The following CFAP77 variants were observed in gnomAD, a reference collection of about 807,000 sequenced individuals.
CFAP77 encodes cilia- and flagella-associated protein 77.
CFAP77 carries 25 observed loss-of-function variants against 31.1 expected under a neutral mutation model. The observed-to-expected ratio is 0.80, with a 90% CI of 0.59 to 1.12. The LOEUF (loss-of-function observed/expected upper bound fraction) is 1.12. Ranked by LOEUF, CFAP77 falls within the 50% of genes most tolerant of loss-of-function variation. CFAP77 has a pLI of 0.00. For missense variants in CFAP77, 377 were observed against 397.3 expected, an observed-to-expected ratio of 0.95 and a Z score of 0.44; for synonymous variants, 151 against 159.9, an observed-to-expected ratio of 0.94 and a Z score of 0.42.
chr9:132,451,796 CTTTTTCTTTTCTTTTTTT>C (rs1850831995), intron 1 of CFAP77, among the ~76,000 whole-genome samples: 1 of 150,220 alleles, frequency 6.7e-6, no homozygotes, highest in South Asian at 2.1e-4. Context: ...TTTCTTTTTT[CTTTTTCTTTTCTTTTTTT>C]TTTTTTTCCA....
intron 3 of CFAP77, among the ~76,000 whole-genome samples, chr9:132,503,967 C>G (rs113402104): frequency 9.2e-5 from 14 of 152,128 alleles, no homozygotes; most frequent in African/African-American, 3.4e-4. Flanking sequence ...TGAACCTGGG[C>G]GGTGGAGGTT....
chr9:132,438,541 A>ATATATATATATATATATATATATT, intron 1 of CFAP77, among the ~76,000 whole-genome samples: 7 of 108,144 alleles, frequency 6.5e-5, no homozygotes, highest in South Asian at 3.0e-4. Context: ...ATATATATAT[A>ATATATATATATATATATATATATT]TTTTTTTTTT....
chr9:132,506,715 C>T (rs1367325641), intron 3 of CFAP77, among the ~76,000 whole-genome samples: 2 of 152,080 alleles, frequency 1.3e-5, no homozygotes, highest in Non-Finnish European at 2.9e-5. Context: ...CAGACACTGC[C>T]GAGGTCCTCA....
intron 3 of CFAP77, among the ~76,000 whole-genome samples, chr9:132,502,776 C>T (rs544157713): frequency 1.3e-5 from 2 of 152,304 alleles, no homozygotes; most frequent in East Asian, 3.9e-4. Context: ...TGGACGGACA[C>T]GTGTCTGTTC....
chr9:132,517,999 C>A lies in CFAP77; in HGVS notation c.524+18399C>A, dbSNP rs772691566. Among the ~76,000 whole-genome samples, 1 of 152,094 alleles carries A rather than the reference C, an allele frequency of 6.6e-6. No individual in the cohort carries two copies. ...ACTGAGTTTTGACCCGGTTTTGTTG[C>A]TAGTGGGCGCGTCCGGTGGTGAGAA... On this transcript the variant is annotated intron_variant, in intron 3 of 5. Coordinates refer to ENST00000393216, the MANE Select transcript of CFAP77 (RefSeq NM_001282957.2). This position sits in a 1 kb window ranked among gnomAD's most constrained non-coding sequence, Gnocchi z 4.7.
At chr9:132,512,906 C>T (rs1476302759) in intron 3 of CFAP77, among the ~76,000 whole-genome samples, 1 of 152,194 alleles carries the variant, frequency 6.6e-6, no homozygotes, top group East Asian at 1.9e-4. Context: ...GAGATAGTGC[C>T]TCTGCACTCC....
intron 1 of CFAP77, among the ~76,000 whole-genome samples, chr9:132,452,120 C>T (rs1177390425): frequency 6.6e-6 from 1 of 152,094 alleles, no homozygotes; most frequent in Non-Finnish European, 1.5e-5. Flanking sequence ...TTCAAAAGAA[C>T]AAATCTGGTC....
At chr9:132,514,860 G>A (rs1852118463) in intron 3 of CFAP77, among the ~76,000 whole-genome samples, 1 of 152,184 alleles carries the variant, frequency 6.6e-6, no homozygotes, top group African/African-American at 2.4e-5. Flanking sequence ...CTTCCTAGAA[G>A]AAACAGGCCC....
rs763715443 is a variant in CFAP77 at position 132,480,475 on chromosome 9, CG to C, written c.196-18219del. Among the ~76,000 whole-genome samples, 2 of 152,210 alleles carry C rather than the reference CG, an allele frequency of 1.3e-5. No homozygotes were observed. The highest frequency in any genetic ancestry group is 2.9e-5 in the Non-Finnish European group (2 of 68,032). ...TGCCCCACCCCTTGGTGCTCAGTCA[CG>C]TGAGCATCCCAGAGCATGTGCTGAA... On this transcript the variant is annotated intron_variant, in intron 1 of 5. Coordinates refer to ENST00000393216, the MANE Select transcript of CFAP77 (RefSeq NM_001282957.2). This position sits in a 1 kb window ranked among gnomAD's most constrained non-coding sequence, Gnocchi z 5.8.
chr9:132,486,090 A>ATATATTTTTTT (rs1281539306), intron 1 of CFAP77, among the ~76,000 whole-genome samples: 1 of 15,354 alleles, frequency 6.5e-5, no homozygotes, highest in Non-Finnish European at 9.6e-5. Context: ...ATATATATAT[A>ATATATTTTTTT]TTTTTTTTTT....
chr9:132,545,398 G>C lies in CFAP77; in HGVS notation c.732+2351G>C, dbSNP rs1415074913. Among the ~76,000 whole-genome samples the C allele has an allele frequency of 6.6e-6, 1 of 152,102 alleles. No homozygotes were observed. Among genetic ancestry groups the C allele is most frequent in the Non-Finnish European group, 1.5e-5 (1 of 67,994 alleles). On this transcript the variant is annotated intron_variant, in intron 5 of 5. Transcript: ENST00000393216. This position sits in a 1 kb window ranked among gnomAD's most constrained non-coding sequence, Gnocchi z 4.6. ...GGAACCCAGGTGTGTCTGATGGCAGGGCCCAAGCCGAGACACATGACCTAT... is the reference window on the plus strand; with the variant it reads ...GGAACCCAGGTGTGTCTGATGGCAGCGCCCAAGCCGAGACACATGACCTAT...
intron 1 of CFAP77, among the ~76,000 whole-genome samples, chr9:132,471,655 C>T (rs1185688387): frequency 2.0e-5 from 3 of 151,986 alleles, no homozygotes; most frequent in Admixed American, 6.6e-5. Context: ...CAGGATTTTT[C>T]TATGCAGGAG....
intron 1 of CFAP77, among the ~76,000 whole-genome samples, chr9:132,459,743 A>C (rs111074918): frequency 2.4e-5 from 3 of 124,596 alleles, no homozygotes; most frequent in Non-Finnish European, 4.8e-5. Flanking sequence ...TATGTGTGTG[A>C]GTGTGTGTGT....
chr9:132,410,880 G>C (rs60051264), intron 1 of CFAP77, among the ~76,000 whole-genome samples: 4,148 of 152,290 alleles, frequency 0.027, 202 homozygotes, highest in African/African-American at 0.093. Context: ...CCGCCTCTCC[G>C]GTTCCGCTGC....
chr9:132,437,187 C>T (rs1850517376), intron 1 of CFAP77, among the ~76,000 whole-genome samples: 1 of 152,160 alleles, frequency 6.6e-6, no homozygotes, highest in African/African-American at 2.4e-5. Flanking sequence ...CGCCTTGTCC[C>T]CAAGCACTGG....
chr9:132,565,072 G>A lies in CFAP77; in HGVS notation c.733-7316G>A, dbSNP rs1043398302. On this transcript the variant is annotated intron_variant, in intron 5 of 5. Transcript: ENST00000393216. This position sits in a 1 kb window ranked among gnomAD's most constrained non-coding sequence, Gnocchi z 4.1. Reference sequence around the variant, plus strand: ...AATATTTTATTCTGATCCAGTAGCAGGGAGGAAAAGGATGTTATCCCAGGA... The same window carrying A: ...AATATTTTATTCTGATCCAGTAGCAAGGAGGAAAAGGATGTTATCCCAGGA... Among the ~76,000 whole-genome samples, 2 of 151,826 alleles carry A rather than the reference G, an allele frequency of 1.3e-5. No homozygotes were observed. The highest frequency in any genetic ancestry group is 2.9e-5 in the Non-Finnish European group (2 of 67,976).
At chr9:132,510,028 G>A (rs1852005255) in intron 3 of CFAP77, among the ~76,000 whole-genome samples, 1 of 152,126 alleles carries the variant, frequency 6.6e-6, no homozygotes, top group Non-Finnish European at 1.5e-5. Context: ...CTCTCCTGTG[G>A]CCCGGACAGA....
At chr9:132,440,042 T>A (rs574216133) in intron 1 of CFAP77, among the ~76,000 whole-genome samples, 2 of 151,926 alleles carry the variant, frequency 1.3e-5, no homozygotes, top group East Asian at 3.9e-4. Context: ...TATAACATCA[T>A]CCTCAGCGGC....
At chr9:132,465,073 C>CAAAAAAAAA (rs773917029) in intron 1 of CFAP77, among the ~76,000 whole-genome samples, 21 of 82,640 alleles carry the variant, frequency 2.5e-4, no homozygotes, top group Non-Finnish European at 3.6e-4. Flanking sequence ...GACTCTGTCT[C>CAAAAAAAAA]AAAAAAAAAA....
Sources: gnomAD v4.1 joint callset for allele counts (sites outside exome capture counted in the v4.1 genomes callset) on GRCh38, gnomAD v4.1.1 for gene constraint, Gnocchi (gnomAD v3.1) non-coding constraint, MANE v1.5 for transcripts, NCBI Gene and HGNC (gene_info 2026-07-23, HGNC 2026-07-21) for gene names.